Variants in CYP7B1 observed in about 807,000 individuals in gnomAD.
The protein encoded by CYP7B1 is cytochrome P450 7B1.
In CYP7B1, 29 loss-of-function variants were observed where a neutral mutation model predicts 42.7. The observed-to-expected ratio is 0.68, with a 90% CI of 0.51 to 0.93. The LOEUF (loss-of-function observed/expected upper bound fraction) is 0.93, where lower values mean the gene tolerates loss of function less well. CYP7B1 is among the 40% of genes least tolerant of loss of function. The pLI is 0.00. For synonymous variants in CYP7B1, 235 were observed against 218.2 expected, an observed-to-expected ratio of 1.08 and a Z score of -0.68; for missense variants, 655 against 600.5, an observed-to-expected ratio of 1.09 and a Z score of -0.95.
chr8:64,768,578 G>A (rs112790350), intron 1 of CYP7B1, among the ~76,000 whole-genome samples: 332 of 152,172 alleles, frequency 2.2e-3, no homozygotes, highest in Non-Finnish European at 4.1e-3. Context: ...GAAAGAGATC[G>A]TTCACTTAGA....
At chr8:64,604,592 C>T in intron 5 of CYP7B1, 90 bp downstream of exon 5, 1 of 1,510,372 alleles carries the variant, frequency 6.6e-7, no homozygotes, top group Non-Finnish European at 9.1e-7. Flanking sequence ...CCCTTCTGGA[C>T]CAAAGTGGCA....
chr8:64,730,865 G>A (rs1807398428), intron 1 of CYP7B1, among the ~76,000 whole-genome samples: 1 of 152,002 alleles, frequency 6.6e-6, no homozygotes, highest in Non-Finnish European at 1.5e-5. Flanking sequence ...TACTAGGGGA[G>A]GGATCTTGTG....
intron 1 of CYP7B1, among the ~76,000 whole-genome samples, chr8:64,751,801 A>C (rs866818603): frequency 6.6e-6 from 1 of 152,180 alleles, no homozygotes; most frequent in Non-Finnish European, 1.5e-5. Flanking sequence ...CCAGGATCAT[A>C]AGATCAGATT....
At chr8:64,784,577 G>A (rs924403973) in intron 1 of CYP7B1, among the ~76,000 whole-genome samples, 4 of 152,122 alleles carry the variant, frequency 2.6e-5, no homozygotes, top group Middle Eastern at 3.2e-3. Context: ...CATACTTAAT[G>A]TATCATGGTT....
intron 1 of CYP7B1, among the ~76,000 whole-genome samples, chr8:64,644,981 A>G (rs1805927139): frequency 6.8e-6 from 1 of 147,396 alleles, no homozygotes; most frequent in African/African-American, 2.5e-5. Context: ...TCCTTGTTCA[A>G]TTCCCACCTA....
At chr8:64,588,901 C>G (rs1350540535), downstream of CYP7B1, among the ~76,000 whole-genome samples, 4 of 152,194 alleles carry the variant, frequency 2.6e-5, no homozygotes, top group African/African-American at 7.2e-5. Flanking sequence ...GGATATCTAT[C>G]TATTAAATGC....
chr8:64,754,961 T>C (rs933873570), intron 1 of CYP7B1, among the ~76,000 whole-genome samples: 3 of 152,146 alleles, frequency 2.0e-5, no homozygotes, highest in Non-Finnish European at 4.4e-5. Flanking sequence ...AGGTGAAGTT[T>C]TCAAGGAGAC....
At chr8:64,758,603 A>C (rs1317212504) in intron 1 of CYP7B1, among the ~76,000 whole-genome samples, 2 of 152,208 alleles carry the variant, frequency 1.3e-5, no homozygotes, top group Non-Finnish European at 2.9e-5. Context: ...GCATATAGGA[A>C]ATAATAAATG....
chr8:64,608,755 T>C (rs1175627235), intron 4 of CYP7B1, among the ~76,000 whole-genome samples: 1 of 152,212 alleles, frequency 6.6e-6, no homozygotes, highest in African/African-American at 2.4e-5. Context: ...CATAAGTGTC[T>C]TCAAGGCAGT....
At chr8:64,662,880 T>C (rs1041385816) in intron 1 of CYP7B1, among the ~76,000 whole-genome samples, 2 of 152,160 alleles carry the variant, frequency 1.3e-5, no homozygotes, top group African/African-American at 4.8e-5. Context: ...AGTCCTGCAT[T>C]TTCCCTTAGG....
At chr8:64,773,440 T>C (rs979209593) in intron 1 of CYP7B1, among the ~76,000 whole-genome samples, 13 of 152,274 alleles carry the variant, frequency 8.5e-5, no homozygotes, top group African/African-American at 2.6e-4. Context: ...CAAAGTAAAA[T>C]ATTTTTAGGT....
At position 64,592,198 on chromosome 8, in the gene CYP7B1, AG is replaced by A. The variant is rs1563534811; in HGVS notation, c.*4443del. ...GCAAGACTCCATCTAAAAAAAAAAAAGGATGGGATTTTACAATATATAATAC... is the reference window on the plus strand; with the variant it reads ...GCAAGACTCCATCTAAAAAAAAAAAAGATGGGATTTTACAATATATAATAC... On this transcript the variant is annotated 3_prime_UTR_variant, in exon 6 of 6. Coordinates refer to ENST00000310193, the MANE Select transcript of CYP7B1 (RefSeq NM_004820.5). Among the ~76,000 whole-genome samples, 1 of 151,906 alleles carries A rather than the reference AG, an allele frequency of 6.6e-6. No homozygotes were observed. The highest frequency in any genetic ancestry group is 2.4e-5 in the African/African-American group (1 of 41,380).
At chr8:64,685,617 C>T (rs1347000085) in intron 1 of CYP7B1, among the ~76,000 whole-genome samples, 2 of 28,720 alleles carry the variant, frequency 7.0e-5, no homozygotes, top group Admixed American at 6.0e-4. Context: ...AGTGAGGAGA[C>T]CCTCTGCCTG....
rs1396319647 is a variant in CYP7B1 at position 64,615,995 on chromosome 8, T to G, written c.546A>C (p.Pro182=). The change falls in exon 3 of 6, where the codon CCA becomes CCC. Residue 182 remains proline (P), a synonymous_variant. Coordinates refer to ENST00000310193, the MANE Select transcript of CYP7B1 (RefSeq NM_004820.5). The stretch of plus-strand genomic sequence containing the variant: ...TCTCAAATATTATTGAGCTGCAGAA[T>G]GGATACAGTTCTGCCGTGTCCCAAC... ...TTSWDTAELY[P]FCSSIIFEIT... is the part of the protein sequence containing the mutation. 1 of 1,613,776 alleles carries G rather than the reference T, an allele frequency of 6.2e-7. No individual in the cohort carries two copies. The highest frequency in any genetic ancestry group is 1.7e-5 in the Admixed American group (1 of 59,938).
intron 1 of CYP7B1, among the ~76,000 whole-genome samples, chr8:64,749,850 G>A (rs150477569): frequency 5.3e-5 from 8 of 152,254 alleles, no homozygotes; most frequent in African/African-American, 1.7e-4. Context: ...GAGAAAGGAA[G>A]CTCAATATCT....
At chr8:64,749,406 TCTGA>T (rs1807695508) in intron 1 of CYP7B1, among the ~76,000 whole-genome samples, 1 of 152,148 alleles carries the variant, frequency 6.6e-6, no homozygotes, top group African/African-American at 2.4e-5. Context: ...GAAAGATCAG[TCTGA>T]CTAAATGTAG....
chr8:64,623,584 T>G (rs1291712037), intron 2 of CYP7B1, among the ~76,000 whole-genome samples: 1 of 152,240 alleles, frequency 6.6e-6, no homozygotes, highest in Non-Finnish European at 1.5e-5. Flanking sequence ...AAAAATGTTG[T>G]GAACTAGTAA....
At chr8:64,679,327 CAG>C (rs1250769681) in intron 1 of CYP7B1, among the ~76,000 whole-genome samples, 1 of 152,110 alleles carries the variant, frequency 6.6e-6, no homozygotes, top group African/African-American at 2.4e-5. Flanking sequence ...ATGCCAGTGA[CAG>C]GGGCTGATAG....
At chr8:64,637,036 T>C (rs1805784132) in intron 1 of CYP7B1, among the ~76,000 whole-genome samples, 1 of 152,230 alleles carries the variant, frequency 6.6e-6, no homozygotes, top group Non-Finnish European at 1.5e-5. Flanking sequence ...CCCACAGTTT[T>C]GTGGAAACTA....
Sources: allele counts gnomAD v4.1 joint callset (sites outside exome capture counted in the v4.1 genomes callset), GRCh38; gene constraint gnomAD v4.1.1; transcripts MANE v1.5; gene names NCBI Gene and HGNC (gene_info 2026-07-23, HGNC 2026-07-21).